Variants in CMIP observed in about 807,000 individuals in gnomAD.
CMIP encodes the protein c-Maf inducing protein.
In CMIP, 13 loss-of-function variants were observed where a neutral mutation model predicts 97.3. The ratio of observed to expected loss-of-function variants is 0.13; its 90% CI spans 0.09 to 0.21. The LOEUF (loss-of-function observed/expected upper bound fraction) is 0.21. Among genes scored for constraint, CMIP ranks in the 10% least tolerant of loss-of-function variants. The probability of loss-of-function intolerance (pLI) is 1.00; values close to 1 mark genes in which losing one functional copy is unlikely to be tolerated. For missense variants in CMIP, 847 were observed against 1,024.9 expected (o/e 0.83, Z 2.37); for synonymous variants, 538 against 436.3 (o/e 1.23, Z -2.91).
chr16:81,696,800 AGGTGGT>A, intron 14 of CMIP, 133 bp downstream of exon 14: 3 of 749,298 alleles, frequency 4.0e-6, no homozygotes, highest in East Asian at 2.8e-5. Flanking sequence ...CTGATCATGA[AGGTGGT>A]GGTGGTGGTG....
chr16:81,582,340 A>G (rs1362374846), intron 1 of CMIP, among the ~76,000 whole-genome samples: 1 of 152,124 alleles, frequency 6.6e-6, no homozygotes, highest in Non-Finnish European at 1.5e-5. Context: ...GGGTGTCCCC[A>G]GTCTCCTTGA....
intron 1 of CMIP, among the ~76,000 whole-genome samples, chr16:81,511,392 G>A (rs990756661): frequency 2.0e-5 from 3 of 152,074 alleles, no homozygotes; most frequent in South Asian, 2.1e-4. Context: ...GATTCCGGAC[G>A]TGGTCTACAC....
intron 1 of CMIP, among the ~76,000 whole-genome samples, chr16:81,600,371 A>G (rs1471814396): frequency 1.3e-5 from 2 of 152,212 alleles, no homozygotes; most frequent in African/African-American, 4.8e-5. Flanking sequence ...ATGAATGTAT[A>G]AACATGTGGC....
chr16:81,473,264 G>A (rs763193327), intron 1 of CMIP, among the ~76,000 whole-genome samples: 2 of 152,180 alleles, frequency 1.3e-5, no homozygotes, highest in African/African-American at 2.4e-5. Context: ...CGTGTTTGCC[G>A]TGGGGGGCAT....
intron 1 of CMIP, among the ~76,000 whole-genome samples, chr16:81,468,037 C>G (rs1302104627): frequency 2.6e-5 from 4 of 152,122 alleles, no homozygotes; most frequent in Non-Finnish European, 5.9e-5. Flanking sequence ...CAGGAGTGCA[C>G]CACCATGCCC....
At chr16:81,580,656 G>T (rs995655152) in intron 1 of CMIP, among the ~76,000 whole-genome samples, 1 of 151,732 alleles carries the variant, frequency 6.6e-6, no homozygotes. Context: ...GGCTGGTCTC[G>T]AACTCCTGAC....
chr16:81,571,995 T>C (rs1201559405), intron 1 of CMIP, among the ~76,000 whole-genome samples: 1 of 152,168 alleles, frequency 6.6e-6, no homozygotes, highest in Non-Finnish European at 1.5e-5. Flanking sequence ...AAGAGTTGCA[T>C]CATGAGACCC....
At chr16:81,524,128 TC>T (rs1281023947) in intron 1 of CMIP, among the ~76,000 whole-genome samples, 3 of 152,240 alleles carry the variant, frequency 2.0e-5, no homozygotes, top group East Asian at 3.8e-4. Flanking sequence ...GCTAGGCTTG[TC>T]ACAGCATCTA....
At chr16:81,659,109 C>T (rs1238237162) in intron 5 of CMIP, among the ~76,000 whole-genome samples, 1 of 152,216 alleles carries the variant, frequency 6.6e-6, no homozygotes, top group Non-Finnish European at 1.5e-5. Context: ...CTTCTCTTGC[C>T]AGAACAGGAG....
rs150486645 is a variant in CMIP, at chr16:81,483,098, G to A, written c.300+37557G>A. Among the ~76,000 whole-genome samples the A allele has an allele frequency of 6.8e-3, 1,029 of 152,334 alleles. 15 individuals carry two copies. Among genetic ancestry groups the A allele is most frequent in the South Asian group, 0.029 (141 of 4,826 alleles). On this transcript the variant is annotated intron_variant, in intron 1 of 20. Coordinates refer to ENST00000537098, the MANE Select transcript of CMIP (RefSeq NM_198390.3). ...AGTGCTGTGGAGGAAACCATCAGAC[G>A]AGGGAGGACAGAAGTATTGGTATGA... is the stretch of plus-strand genomic sequence containing the variant.
intron 3 of CMIP, chr16:81,651,175 A>G (rs2092424119): frequency 6.6e-6 from 1 of 152,208 alleles, no homozygotes; most frequent in African/African-American, 2.4e-5. Context: ...GGCTCTCCCT[A>G]AGGAGCAGAG....
At chr16:81,678,724 A>G in intron 10 of CMIP, 96 bp downstream of exon 10, 2 of 631,944 alleles carry the variant, frequency 3.2e-6, no homozygotes, top group Non-Finnish European at 5.6e-6. Flanking sequence ...CGAGCTACGC[A>G]GGGCCGGGCA....
intron 1 of CMIP, among the ~76,000 whole-genome samples, chr16:81,542,505 G>A (rs1260468541): frequency 6.6e-6 from 1 of 152,144 alleles, no homozygotes; most frequent in Admixed American, 6.5e-5. Flanking sequence ...GCAGGAGTGT[G>A]TTTTTCTGGA....
chr16:81,630,927 C>T (rs1185932397), intron 3 of CMIP: 1 of 152,226 alleles, frequency 6.6e-6, no homozygotes, highest in African/African-American at 2.4e-5. Flanking sequence ...CTGGCAGCCT[C>T]TTTGTGCACG....
At chr16:81,583,303 C>T (rs1361859501) in intron 1 of CMIP, among the ~76,000 whole-genome samples, 7 of 152,362 alleles carry the variant, frequency 4.6e-5, no homozygotes, top group Non-Finnish European at 1.0e-4. Flanking sequence ...CACTTCCCCC[C>T]GGGGTCGGGG....
At chr16:81,671,078 T>G (rs368240082) in intron 8 of CMIP, among the ~76,000 whole-genome samples, 1 of 152,158 alleles carries the variant, frequency 6.6e-6, no homozygotes, top group Non-Finnish European at 1.5e-5. Flanking sequence ...ATCCACCTGC[T>G]TCGGCCTCCC....
intron 1 of CMIP, among the ~76,000 whole-genome samples, chr16:81,506,018 G>C (rs57078137): frequency 0.16 from 24,798 of 152,126 alleles, 2,936 homozygotes; most frequent in African/African-American, 0.34. Flanking sequence ...AATAAATCAG[G>C]AACAGTAAGA....
intron 1 of CMIP, among the ~76,000 whole-genome samples, chr16:81,560,836 C>T (rs945826435): frequency 6.6e-6 from 1 of 152,180 alleles, no homozygotes; most frequent in African/African-American, 2.4e-5. Flanking sequence ...GTAGCCCAGC[C>T]ATAGGTGTGT....
In CMIP at chr16:81,710,604, GCT is replaced by G. The variant is rs1908658550; in HGVS notation, c.*811_*812del. 6.6e-6 allele frequency: 1 copy of G among 151,726 alleles called. No individual in the cohort carries two copies. Among genetic ancestry groups the G allele is most frequent in the African/African-American group, 2.4e-5 (1 of 41,256 alleles). The allele number at this position is 151,726 out of a possible 1,614,324, so 9.4% of individuals were successfully genotyped here. A position where few individuals can be genotyped will look rare whatever the true frequency, so the allele number is the denominator to read the frequency against. ...TTCGTAATGGATTCTCTATGCTAAT[GCT>G]CTCTCGTCTGTCTGTCTGTCTGCCC... On this transcript the variant is annotated 3_prime_UTR_variant, in exon 21 of 21. Coordinates refer to ENST00000537098, the MANE Select transcript of CMIP (RefSeq NM_198390.3).
Sources: gnomAD v4.1 joint callset for allele counts (sites outside exome capture counted in the v4.1 genomes callset) on GRCh38, gnomAD v4.1.1 for gene constraint, MANE v1.5 for transcripts, NCBI Gene and HGNC (gene_info 2026-07-23, HGNC 2026-07-21) for gene names.